Variants in CASK observed in about 807,000 individuals in gnomAD.
CASK encodes the protein calcium/calmodulin dependent serine protein kinase, also known as peripheral plasma membrane protein CASK.
CASK carries 4 observed loss-of-function variants against 82.9 expected under a neutral mutation model. The observed-to-expected ratio is 0.05, with a 90% confidence interval of 0.02 to 0.11. The LOEUF is 0.11. CASK is among the 10% of genes least tolerant of loss of function. The pLI, the probability that CASK is intolerant of heterozygous loss-of-function variation, is 1.00. For missense variants in CASK, 358 were observed against 720.9 expected (o/e 0.50, Z 5.76); for synonymous variants, 259 against 253.5 (o/e 1.02, Z -0.20).
intron 21 of CASK, among the ~76,000 whole-genome samples, chrX:41,545,619 A>T (rs1258278691): frequency 9.0e-6 from 1 of 111,660 alleles, no homozygotes; most frequent in Non-Finnish European, 1.9e-5. Flanking sequence ...GTTCTTCAAG[A>T]GCATTTTGGC....
At chrX:41,811,702 T>C (rs1224018334) in intron 2 of CASK, among the ~76,000 whole-genome samples, 3 of 111,294 alleles carry the variant, frequency 2.7e-5, no homozygotes, top group Non-Finnish European at 5.7e-5. Context: ...AGCAAACACA[T>C]TCAAAAGCTA....
At chrX:41,576,527 T>C (rs539230947) in intron 15 of CASK, among the ~76,000 whole-genome samples, 4 of 111,937 alleles carry the variant, frequency 3.6e-5, no homozygotes, top group Non-Finnish European at 5.6e-5. Context: ...ACTTGTTTAA[T>C]GTAGCCAGCC....
intron 8 of CASK, among the ~76,000 whole-genome samples, chrX:41,655,538 A>G (rs1602417853): frequency 8.9e-6 from 1 of 111,940 alleles, no homozygotes; most frequent in South Asian, 3.8e-4. Context: ...AGCGCCCAGA[A>G]TAGTTCCATA....
At chrX:41,693,714 G>A (rs1002762726) in intron 5 of CASK, among the ~76,000 whole-genome samples, 1 of 111,662 alleles carries the variant, frequency 9.0e-6, no homozygotes. Flanking sequence ...TTGTCTTCCT[G>A]CAGTTGAGAC....
At chrX:41,727,514 T>C in intron 5 of CASK, 2 of 1,210,113 alleles carry the variant, frequency 1.7e-6, no homozygotes, top group African/African-American at 1.7e-5. Flanking sequence ...TGGGGAGTTG[T>C]ACTGGGCATA....
At position 41,710,543 on chromosome X, in the gene CASK, G is replaced by C. The variant is rs143664349; in HGVS notation, c.429+28841C>G. Reference sequence around the variant, plus strand: ...AGCCAAAAGCCAAAGCTGAAGGATAGTGAAACTTTGATGATCAGGTCTGTG... The same window carrying C: ...AGCCAAAAGCCAAAGCTGAAGGATACTGAAACTTTGATGATCAGGTCTGTG... On this transcript the variant is annotated intron_variant, in intron 5 of 26. Coordinates refer to ENST00000378163, the MANE Select transcript of CASK (RefSeq NM_001367721.1). Among the ~76,000 whole-genome samples, 149 of 112,273 alleles carry C rather than the reference G, an allele frequency of 1.3e-3. 2 individuals are homozygous for C. The highest frequency in any genetic ancestry group is 4.7e-3 in the African/African-American group (145 of 30,930).
intron 9 of CASK, among the ~76,000 whole-genome samples, chrX:41,631,554 C>T (rs1323408579): frequency 5.4e-5 from 6 of 111,519 alleles, no homozygotes; most frequent in East Asian, 2.8e-4. Flanking sequence ...CTGCAACCTC[C>T]GCCTCCCAGG....
chrX:41,704,180 T>C (rs780249439), intron 5 of CASK, among the ~76,000 whole-genome samples: 1 of 111,943 alleles, frequency 8.9e-6, no homozygotes, highest in African/African-American at 3.2e-5. Context: ...TATGCACTTG[T>C]CTTTTACTTT....
At chrX:41,633,008 A>C (rs2066495263) in intron 9 of CASK, among the ~76,000 whole-genome samples, 1 of 103,055 alleles carries the variant, frequency 9.7e-6, no homozygotes, top group Non-Finnish European at 2.0e-5. Flanking sequence ...GCGCCACTGC[A>C]CTCTAAGCCT....
intron 1 of CASK, among the ~76,000 whole-genome samples, chrX:41,900,433 C>T (rs765759355): frequency 3.6e-5 from 4 of 110,906 alleles, no homozygotes; most frequent in African/African-American, 1.3e-4. Context: ...GCTGTCTTCA[C>T]TCTTTTTCAT....
intron 3 of CASK, among the ~76,000 whole-genome samples, chrX:41,759,957 A>G (rs1602582269): frequency 2.7e-5 from 3 of 111,162 alleles, no homozygotes; most frequent in Admixed American, 9.6e-5. Context: ...TTCCTCTCCA[A>G]TTGCTTAAAT....
At chrX:41,654,025 G>A in intron 8 of CASK, among the ~76,000 whole-genome samples, 1 of 112,202 alleles carries the variant, frequency 8.9e-6, no homozygotes, top group Non-Finnish European at 1.9e-5. Context: ...GAGTACCCCA[G>A]GTGAAGCGGC....
chrX:41,632,348 A>G (rs1290219844), intron 9 of CASK, among the ~76,000 whole-genome samples: 1 of 111,713 alleles, frequency 9.0e-6, no homozygotes, highest in African/African-American at 3.3e-5. Flanking sequence ...GCCAAAAAAT[A>G]TCTATTATAG....
At chrX:41,737,811 A>AT (rs1369525691) in intron 5 of CASK, among the ~76,000 whole-genome samples, 1 of 112,301 alleles carries the variant, frequency 8.9e-6, no homozygotes, top group Non-Finnish European at 1.9e-5. Context: ...TTAAATTATC[A>AT]TTTTTTTCTT....
At chrX:41,744,266 A>G (rs1237030941) in intron 4 of CASK, among the ~76,000 whole-genome samples, 1 of 111,726 alleles carries the variant, frequency 9.0e-6, no homozygotes, top group Non-Finnish European at 1.9e-5. Context: ...AATGTAACCA[A>G]AACAGAAAGC....
rs771383074 is a variant in CASK at position 41,680,019 on chromosome X, G to A, written c.430-8489C>T. Among the ~76,000 whole-genome samples, 4 of 111,120 alleles carry A rather than the reference G, an allele frequency of 3.6e-5. No individual in the cohort carries two copies. In the South Asian group the frequency reaches 1.1e-3, roughly 31 times the overall value. Reference sequence around the variant, plus strand: ...GAGGTCAGGAGTTCAAGACCAGCCCGGCCAACCTTGTCCCTACTAAAAATA... The same window carrying A: ...GAGGTCAGGAGTTCAAGACCAGCCCAGCCAACCTTGTCCCTACTAAAAATA... On this transcript the variant is annotated intron_variant, in intron 5 of 26. Coordinates refer to ENST00000378163, the MANE Select transcript of CASK (RefSeq NM_001367721.1).
intron 2 of CASK, among the ~76,000 whole-genome samples, chrX:41,805,110 G>A (rs1405559086): frequency 9.0e-6 from 1 of 111,642 alleles, no homozygotes; most frequent in East Asian, 2.8e-4. Context: ...TAATTACAAT[G>A]TTCAAACAGA....
intron 1 of CASK, 104 bp downstream of exon 1, chrX:41,922,826 G>C (rs2072809357): frequency 3.0e-6 from 2 of 670,087 alleles, no homozygotes; most frequent in Non-Finnish European, 4.8e-6. Context: ...GGGGAAGAGG[G>C]GAAGGAGGGA....
chrX:41,537,920 C>T (rs2064897744), intron 22 of CASK, among the ~76,000 whole-genome samples: 2 of 108,681 alleles, frequency 1.8e-5, no homozygotes. Flanking sequence ...TGGCTCACTG[C>T]AGCCTCCGCG....
Sources: gnomAD v4.1 joint callset for allele counts (sites outside exome capture counted in the v4.1 genomes callset) on GRCh38, gnomAD v4.1.1 for gene constraint, MANE v1.5 for transcripts, NCBI Gene and HGNC (gene_info 2026-07-23, HGNC 2026-07-21) for gene names.